Variants in DLG2 observed in about 807,000 individuals in gnomAD.
The protein encoded by DLG2 is discs large MAGUK scaffold protein 2.
DLG2 carries 45 observed loss-of-function variants against 132.5 expected under a neutral mutation model. The ratio of observed to expected loss-of-function variants is 0.34; its 90% CI spans 0.27 to 0.44. DLG2 has a LOEUF of 0.44. Ranked by LOEUF, DLG2 falls within the 20% of genes least tolerant of loss-of-function variation. The pLI, the probability that DLG2 is intolerant of heterozygous loss-of-function variation, is 1.00. For missense variants in DLG2, 1,045 were observed against 1,196.9 expected, an observed-to-expected ratio of 0.87 and a Z score of 1.87; for synonymous variants, 424 against 419.6, an observed-to-expected ratio of 1.01 and a Z score of -0.13.
At chr11:85,502,924 A>G (rs1437802980) in intron 3 of DLG2, among the ~76,000 whole-genome samples, 1 of 152,124 alleles carries the variant, frequency 6.6e-6, no homozygotes. Flanking sequence ...AAACAACCCA[A>G]ATGTCTACAC....
At chr11:85,072,970 A>C (rs2066073033) in intron 6 of DLG2, among the ~76,000 whole-genome samples, 1 of 151,876 alleles carries the variant, frequency 6.6e-6, no homozygotes, top group South Asian at 2.1e-4. Flanking sequence ...GAGGCCATTC[A>C]GTTTTTAATG....
At chr11:84,883,152 C>T (rs944636100) in intron 6 of DLG2, among the ~76,000 whole-genome samples, 3 of 152,084 alleles carry the variant, frequency 2.0e-5, no homozygotes, top group East Asian at 1.9e-4. Context: ...AGTTCATGTC[C>T]TTTGCAGGGA....
At chr11:84,213,176 C>T (rs1020630737) in intron 8 of DLG2, among the ~76,000 whole-genome samples, 1 of 152,164 alleles carries the variant, frequency 6.6e-6, no homozygotes, top group Non-Finnish European at 1.5e-5. Context: ...CTTCCATTGC[C>T]ACCCCAACTC....
At position 83,605,007 on chromosome 11, in the gene DLG2, C is replaced by CAGAGAGAGAGAGAGAGAGAGAGAGAGAG. The variant is rs71066055; in HGVS notation, c.1940+28176_1940+28203dup. ...TTTGAAATGGACCAGTTTTCAAAGACAGAGAGAGAGAGAGAGAGAGAGAGA... is the reference window on the plus strand; with the variant it reads ...TTTGAAATGGACCAGTTTTCAAAGACAGAGAGAGAGAGAGAGAGAGAGAGAGAGAGAGAGAGAGAGAGAGAGAGAGAGA... On this transcript the variant is annotated intron_variant, in intron 19 of 27. Coordinates refer to ENST00000376104, the MANE Select transcript of DLG2 (RefSeq NM_001142699.3). Among the ~76,000 whole-genome samples the CAGAGAGAGAGAGAGAGAGAGAGAGAGAG allele has an allele frequency of 2.9e-3, 375 of 129,818 alleles. 12 individuals carry two copies. Among genetic ancestry groups the CAGAGAGAGAGAGAGAGAGAGAGAGAGAG allele is most frequent in the Non-Finnish European group, 4.3e-3 (258 of 60,468 alleles). 85.2% of individuals were successfully genotyped at this position (129,818 alleles called of 152,430 possible).
At chr11:84,840,175 G>A (rs886823257) in intron 6 of DLG2, among the ~76,000 whole-genome samples, 5 of 151,884 alleles carry the variant, frequency 3.3e-5, no homozygotes, top group Non-Finnish European at 7.4e-5. Context: ...AAAAAGGGGG[G>A]AAAGGATATG....
chr11:84,415,355 T>G (rs1232119807), intron 7 of DLG2, among the ~76,000 whole-genome samples: 1 of 152,200 alleles, frequency 6.6e-6, no homozygotes, highest in Non-Finnish European at 1.5e-5. Context: ...GGGAACAAAC[T>G]ATTGCATTAA....
At chr11:85,384,471 G>T (rs2152935059) in intron 3 of DLG2, among the ~76,000 whole-genome samples, 1 of 152,308 alleles carries the variant, frequency 6.6e-6, no homozygotes, top group South Asian at 2.1e-4. Context: ...TACTTAACTT[G>T]AGCATAGGCT....
At chr11:85,310,139 G>A (rs1375569000) in intron 3 of DLG2, among the ~76,000 whole-genome samples, 4 of 152,120 alleles carry the variant, frequency 2.6e-5, no homozygotes. Flanking sequence ...CTGATTCCTG[G>A]TTCTTGATAC....
intron 3 of DLG2, among the ~76,000 whole-genome samples, chr11:85,414,078 C>T (rs1480221552): frequency 2.0e-5 from 3 of 152,002 alleles, no homozygotes; most frequent in Non-Finnish European, 2.9e-5. Flanking sequence ...TTTCTTTCAG[C>T]AGTGTTTTGT....
At position 83,559,346 on chromosome 11, in the gene DLG2, A is replaced by C. The variant is rs535776983; in HGVS notation, c.1941-17488T>G. ...TCATTCTCCATGTGAAGGGAGAATTACTCGCATAATCTTGTTGTTCCTGTT... is the reference window on the plus strand; with the variant it reads ...TCATTCTCCATGTGAAGGGAGAATTCCTCGCATAATCTTGTTGTTCCTGTT... On this transcript the variant is annotated intron_variant, in intron 19 of 27. Transcript: ENST00000376104. Among the ~76,000 whole-genome samples, 169 of 152,168 alleles carry C rather than the reference A, an allele frequency of 1.1e-3. 1 individual carries two copies. Among genetic ancestry groups the C allele is most frequent in the Admixed American group, 1.7e-3 (26 of 15,270 alleles).
intron 2 of DLG2, among the ~76,000 whole-genome samples, chr11:85,599,123 A>G (rs922600219): frequency 7.2e-5 from 11 of 152,098 alleles, no homozygotes; most frequent in African/African-American, 2.4e-4. Context: ...ATAATATCCA[A>G]CTTCCTTAAC....
chr11:84,836,397 T>C (rs535780708), intron 6 of DLG2, among the ~76,000 whole-genome samples: 1 of 151,866 alleles, frequency 6.6e-6, no homozygotes, highest in East Asian at 2.0e-4. Context: ...AGGAATAGTA[T>C]CCAGTGCTCA....
chr11:85,096,108 G>A (rs1192345309), intron 6 of DLG2, among the ~76,000 whole-genome samples: 2 of 151,638 alleles, frequency 1.3e-5, no homozygotes, highest in African/African-American at 4.9e-5. Context: ...CTGTAAAATG[G>A]GACAATCAGC....
chr11:83,727,477 C>T (rs182141730), intron 18 of DLG2, among the ~76,000 whole-genome samples: 2 of 152,146 alleles, frequency 1.3e-5, no homozygotes, highest in Non-Finnish European at 2.9e-5. Context: ...TGCCCTTGGA[C>T]TGTGAGTAAT....
chr11:85,253,627 C>A (rs551879458), intron 4 of DLG2, among the ~76,000 whole-genome samples: 5 of 152,258 alleles, frequency 3.3e-5, no homozygotes, highest in Admixed American at 2.0e-4. Flanking sequence ...GCTCTGCCAT[C>A]CATGGACAGC....
intron 4 of DLG2, among the ~76,000 whole-genome samples, chr11:85,272,977 A>G (rs575817415): frequency 4.3e-4 from 65 of 152,338 alleles, no homozygotes; most frequent in African/African-American, 1.5e-3. Context: ...GATCTTTGAC[A>G]AACCTGACAA....
intron 6 of DLG2, among the ~76,000 whole-genome samples, chr11:85,069,789 C>A (rs1328484013): frequency 1.3e-5 from 2 of 152,084 alleles, no homozygotes; most frequent in African/African-American, 4.8e-5. Context: ...TTGACCCAGC[C>A]ATCCCATTAC....
At chr11:83,937,495 G>A (rs144290136) in intron 14 of DLG2, among the ~76,000 whole-genome samples, 5,949 of 114,768 alleles carry the variant, frequency 0.052, 376 homozygotes, top group African/African-American at 0.16. Context: ...GCGAAAGAGT[G>A]AGACTCCATC....
intron 11 of DLG2, among the ~76,000 whole-genome samples, chr11:84,053,525 A>T (rs1371486730): frequency 6.6e-6 from 1 of 151,960 alleles, no homozygotes; most frequent in Non-Finnish European, 1.5e-5. Context: ...AGTATTAATG[A>T]GTTCTTTGCT....
Sources: gnomAD v4.1 joint callset for allele counts (sites outside exome capture counted in the v4.1 genomes callset) on GRCh38, gnomAD v4.1.1 for gene constraint, MANE v1.5 for transcripts, NCBI Gene and HGNC (gene_info 2026-07-23, HGNC 2026-07-21) for gene names.